Variants in GREB1L observed in about 807,000 individuals in gnomAD.
GREB1L encodes the protein GREB1-like protein.
A neutral mutation model predicts 200.8 loss-of-function variants in GREB1L; 17 were observed. The ratio of observed to expected loss-of-function variants is 0.08; its 90% CI spans 0.06 to 0.13. The LOEUF is 0.13. Among genes scored for constraint, GREB1L ranks in the 10% least tolerant of loss-of-function variants. GREB1L has a pLI of 1.00. For missense variants in GREB1L, 1,657 were observed against 2,367.7 expected, an observed-to-expected ratio of 0.70 and a Z score of 6.23; for synonymous variants, 789 against 893.0, an observed-to-expected ratio of 0.88 and a Z score of 2.08.
At chr18:21,495,553 C>T in intron 19 of GREB1L, 117 bp from the exon 20 acceptor site, 1 of 668,838 alleles carries the variant, frequency 1.5e-6, no homozygotes, top group South Asian at 1.7e-5. Flanking sequence ...CATATGTAAA[C>T]ACTTAGTGGA....
At chr18:21,407,554 T>C (rs1177010659) in intron 7 of GREB1L, among the ~76,000 whole-genome samples, 2 of 152,196 alleles carry the variant, frequency 1.3e-5, no homozygotes, top group South Asian at 2.1e-4. Flanking sequence ...GTGAATTGCA[T>C]TGGTCAAATG....
chr18:21,451,867 G>A (rs759895530), intron 13 of GREB1L, among the ~76,000 whole-genome samples: 3 of 152,090 alleles, frequency 2.0e-5, no homozygotes, highest in Non-Finnish European at 4.4e-5. Context: ...TACAACATGT[G>A]AAAGCATGTA....
At chr18:21,307,771 G>T (rs2038725637) in intron 1 of GREB1L, among the ~76,000 whole-genome samples, 1 of 152,030 alleles carries the variant, frequency 6.6e-6, no homozygotes, top group African/African-American at 2.4e-5. Context: ...GAGGAGTGAG[G>T]TCAGGCTCAT....
At chr18:21,493,968 C>T (rs1429941279) in intron 19 of GREB1L, among the ~76,000 whole-genome samples, 1 of 148,056 alleles carries the variant, frequency 6.8e-6, no homozygotes, top group Non-Finnish European at 1.5e-5. Context: ...AAGCTATGAC[C>T]TCTATAGAGA....
intron 1 of GREB1L, among the ~76,000 whole-genome samples, chr18:21,276,145 C>G (rs1567918135): frequency 1.3e-5 from 2 of 152,006 alleles, no homozygotes; most frequent in South Asian, 4.2e-4. Context: ...TAAGACCTGT[C>G]CTCTCTTATG....
intron 7 of GREB1L, among the ~76,000 whole-genome samples, chr18:21,428,196 CAAAAAAAAAAAAAAAAAA>C (rs60750456): frequency 1.4e-3 from 67 of 48,168 alleles, no homozygotes; most frequent in African/African-American, 2.9e-3. Context: ...GACTCCGTCT[CAAAAAAAAAAAAAAAAAA>C]AAAAAAAAAA....
At chr18:21,309,970 C>T (rs797012255) in intron 1 of GREB1L, among the ~76,000 whole-genome samples, 2 of 152,216 alleles carry the variant, frequency 1.3e-5, no homozygotes, top group African/African-American at 4.8e-5. Flanking sequence ...GTTGAGAAAC[C>T]CTAATCTAGA....
intron 32 of GREB1L, among the ~76,000 whole-genome samples, chr18:21,521,742 G>A (rs1035926009): frequency 6.6e-6 from 1 of 151,830 alleles, no homozygotes; most frequent in East Asian, 1.9e-4. Context: ...GATGGCTCAC[G>A]CCTGTAATCC....
At chr18:21,444,114 C>T in intron 10 of GREB1L, 110 bp from the exon 11 acceptor site, 1 of 682,788 alleles carries the variant, frequency 1.5e-6, no homozygotes, top group African/African-American at 1.8e-5. Context: ...GTAGCTATCT[C>T]AGAGGGCAGG....
chr18:21,369,734 T>C (rs1301038572), intron 2 of GREB1L, among the ~76,000 whole-genome samples: 1 of 151,970 alleles, frequency 6.6e-6, no homozygotes, highest in Non-Finnish European at 1.5e-5. Flanking sequence ...TTACAAACTA[T>C]AAAAATAAAT....
Position 21,469,060 on chromosome 18 carries a change from G to A in GREB1L, c.2183-3971G>A, listed in dbSNP as rs183286024. The stretch of plus-strand genomic sequence containing the variant: ...AGTTACTAGTTTCTTCTTTGGAAGT[G>A]ATTTAAAATCTTGTGGAAATATTTT... On this transcript the variant is annotated intron_variant, in intron 15 of 32. Coordinates refer to ENST00000424526, the MANE Select transcript of GREB1L (RefSeq NM_001142966.3). 1.6e-3 allele frequency among the ~76,000 whole-genome samples: 242 copies of A among 152,310 alleles called. 2 individuals carry two copies. Among genetic ancestry groups the A allele is most frequent in the South Asian group, 0.013 (61 of 4,824 alleles).
At chr18:21,255,456 A>C (rs754033531) in intron 1 of GREB1L, among the ~76,000 whole-genome samples, 2 of 152,194 alleles carry the variant, frequency 1.3e-5, no homozygotes, top group Non-Finnish European at 2.9e-5. Context: ...CTGCTCTAGA[A>C]ATTCTTACAA....
At chr18:21,410,484 T>C (rs2030841251) in intron 7 of GREB1L, among the ~76,000 whole-genome samples, 1 of 151,952 alleles carries the variant, frequency 6.6e-6, no homozygotes, top group African/African-American at 2.4e-5. Flanking sequence ...GGCAAAACCC[T>C]GTCTCTCCAA....
chr18:21,298,803 G>A (rs1286654728), intron 1 of GREB1L, among the ~76,000 whole-genome samples: 3 of 152,066 alleles, frequency 2.0e-5, no homozygotes, highest in Admixed American at 6.6e-5. Context: ...GTATGGTGGC[G>A]CATGCCTGTA....
intron 2 of GREB1L, among the ~76,000 whole-genome samples, chr18:21,366,559 A>G (rs558474440): frequency 2.0e-5 from 3 of 151,912 alleles, no homozygotes; most frequent in East Asian, 1.9e-4. Context: ...AGATTTTATA[A>G]AAGTTTTTTT....
At chr18:21,455,660 G>C (rs1200593707) in intron 15 of GREB1L, among the ~76,000 whole-genome samples, 1 of 150,720 alleles carries the variant, frequency 6.6e-6, no homozygotes, top group Non-Finnish European at 1.5e-5. Context: ...CTGGGTGACA[G>C]AGTGAGACCC....
At chr18:21,468,827 GA>G in intron 15 of GREB1L, 2 of 455,276 alleles carry the variant, frequency 4.4e-6, no homozygotes, top group Non-Finnish European at 8.8e-6. Flanking sequence ...GACCTTAAGT[GA>G]ATACTAATCA....
At chr18:21,248,547 C>G (rs956081805) in intron 1 of GREB1L, among the ~76,000 whole-genome samples, 1 of 152,134 alleles carries the variant, frequency 6.6e-6, no homozygotes, top group South Asian at 2.1e-4. Flanking sequence ...CACACAGACA[C>G]TTTTTAACTT....
chr18:21,500,090 ATCC>A lies in GREB1L; in HGVS notation c.3763_3765del (p.Ser1255del). 6.4e-7 allele frequency: 1 copy of A among 1,551,702 alleles called. No individual in the cohort carries two copies. The highest frequency in any genetic ancestry group is 8.7e-7 in the Non-Finnish European group (1 of 1,147,004). ...GCTCCCAGAAGAGTGGCAAGCTGCC[ATCC>A]TCCTCCTCCCTGCTGCCCCACGCCG... On this transcript the variant is annotated inframe_deletion, in exon 22 of 33. Transcript: ENST00000424526.
Sources: allele counts gnomAD v4.1 joint callset (sites outside exome capture counted in the v4.1 genomes callset), GRCh38; gene constraint gnomAD v4.1.1; transcripts MANE v1.5; gene names NCBI Gene and HGNC (gene_info 2026-07-23, HGNC 2026-07-21).